Variants in CCNI observed in about 807,000 individuals in gnomAD.
The protein encoded by CCNI is cyclin-I.
A neutral mutation model predicts 34.1 loss-of-function variants in CCNI; 14 were observed. The ratio of observed to expected loss-of-function variants is 0.41; its 90% CI spans 0.27 to 0.64. CCNI has a LOEUF of 0.64. CCNI is among the 30% of genes least tolerant of loss of function. CCNI has a pLI of 0.31. For missense variants in CCNI, 385 were observed against 440.5 expected, an observed-to-expected ratio of 0.87 and a Z score of 1.13; for synonymous variants, 154 against 158.4, an observed-to-expected ratio of 0.97 and a Z score of 0.21.
intron 2 of CCNI, among the ~76,000 whole-genome samples, chr4:77,059,569 A>G (rs968072116): frequency 8.6e-5 from 13 of 152,006 alleles, no homozygotes; most frequent in African/African-American, 2.7e-4. Flanking sequence ...CTCTAAATGT[A>G]TAATTCATCT....
chr4:77,072,655 A>G (rs12331377), intron 1 of CCNI, among the ~76,000 whole-genome samples: 32,435 of 146,070 alleles, frequency 0.22, 4,651 homozygotes, highest in East Asian at 0.37. Flanking sequence ...AAAAAAAAAA[A>G]AAAAAAGAAA....
intron 5 of CCNI, 28 bp from the exon 6 acceptor site, chr4:77,055,408 C>G (rs1318137727): frequency 2.9e-6 from 4 of 1,396,508 alleles, no homozygotes; most frequent in Non-Finnish European, 4.0e-6. Context: ...ATCATTTTAA[C>G]TTTATTTAAA....
Position 77,056,274 on chromosome 4 carries a change from G to A in CCNI, c.293C>T (p.Ala98Val). The A allele has an allele frequency of 6.2e-7, 1 of 1,613,680 alleles. No individual in the cohort carries two copies. ...SCIAISCFFL[A>V]AKTVEEDERI... ...CTCATCTTCCTCAACAGTCTTGGCA[G>A]CTAGGAAAAAACAGCTGATTGCAAT... is the stretch of plus-strand genomic sequence containing the variant. The change falls in exon 4 of 7, where the codon GCT (alanine) becomes GTT (valine). Residue 98 changes from alanine (A) to valine (V), a missense_variant. Around this residue, in one of 2 missense-constraint regions of CCNI, gnomAD observed 135 missense variants for 191.8 expected, o/e 0.70. Coordinates refer to ENST00000237654, the MANE Select transcript of CCNI (RefSeq NM_006835.3).
intron 6 of CCNI, among the ~76,000 whole-genome samples, chr4:77,052,647 C>T (rs1727944457): frequency 6.6e-6 from 1 of 152,156 alleles, no homozygotes. Flanking sequence ...AACCAAGACA[C>T]TGGGAATCAT....
intron 2 of CCNI, among the ~76,000 whole-genome samples, chr4:77,064,260 A>T (rs1728852890): frequency 6.6e-6 from 1 of 150,682 alleles, no homozygotes; most frequent in African/African-American, 2.5e-5. Context: ...AAAAAAAAGA[A>T]ATAGGTCAGA....
chr4:77,059,419 A>AACT lies in CCNI; in HGVS notation c.115-785_115-784insAGT, dbSNP rs1728454387. ...ACAGCTCTTTCAAACTGTAGTTTCA[A>AACT]ACAGTTTGAAAGAGCTGTAAGGAGA... On this transcript the variant is annotated intron_variant, in intron 2 of 6. Coordinates refer to ENST00000237654, the MANE Select transcript of CCNI (RefSeq NM_006835.3). Among the ~76,000 whole-genome samples, 4 of 151,440 alleles carry AACT rather than the reference A, an allele frequency of 2.6e-5. 1 individual carries two copies. The South Asian group carries it at 8.4e-4, about 32-fold the overall frequency.
intron 2 of CCNI, among the ~76,000 whole-genome samples, chr4:77,060,590 C>G (rs1275686162): frequency 1.3e-5 from 2 of 151,042 alleles, no homozygotes; most frequent in African/African-American, 4.9e-5. Context: ...CCTGAAGTAG[C>G]TAGGACCAGA....
chr4:77,073,541 T>C (rs975152001), intron 1 of CCNI, among the ~76,000 whole-genome samples: 1 of 152,270 alleles, frequency 6.6e-6, no homozygotes, highest in Non-Finnish European at 1.5e-5. Context: ...ACTGAAGTTC[T>C]ACTATTCCCT....
At chr4:77,072,165 A>G (rs574325978) in intron 1 of CCNI, among the ~76,000 whole-genome samples, 32 of 152,276 alleles carry the variant, frequency 2.1e-4, no homozygotes, top group African/African-American at 7.5e-4. Flanking sequence ...ATATACCATA[A>G]CCAAGTGGGA....
chr4:77,058,353 G>T (rs1238785140), intron 3 of CCNI, among the ~76,000 whole-genome samples, 154 bp downstream of exon 3: 1 of 152,138 alleles, frequency 6.6e-6, no homozygotes, highest in Non-Finnish European at 1.5e-5. Flanking sequence ...AACAATAGCA[G>T]AAGACATCAC....
chr4:77,074,866 C>T (rs1207208917), intron 1 of CCNI: 1 of 152,200 alleles, frequency 6.6e-6, no homozygotes, highest in Non-Finnish European at 1.5e-5. Flanking sequence ...AGCCCCCTAG[C>T]TCCAGCGGAG....
chr4:77,072,367 C>T (rs999415536), intron 1 of CCNI, among the ~76,000 whole-genome samples: 1 of 146,798 alleles, frequency 6.8e-6, no homozygotes, highest in African/African-American at 2.6e-5. Context: ...CTTGTGATCC[C>T]AGAACTTTGT....
In CCNI at chr4:77,056,070, G is replaced by C. The variant is rs1217051676; in HGVS notation, c.351C>G (p.Asp117Glu). 5 of 1,613,638 alleles carry C rather than the reference G, an allele frequency of 3.1e-6. No individual in the cohort carries two copies. Among genetic ancestry groups the C allele is most frequent in the African/African-American group, 2.7e-5 (2 of 74,936 alleles). The change falls in exon 5 of 7, where the codon GAC (aspartate) becomes GAG (glutamate). Residue 117 changes from aspartate (D) to glutamate (E), a missense_variant. Transcript: ENST00000237654. ...RIPVLKVLAR[D>E]SFCGCSSSEI... ...CAGATGAGGAACATCCACAGAAACT[G>C]TCTCTTGCCAATACCTTTAGTACTG...
At chr4:77,048,731 T>C (rs1342847470) in intron 6 of CCNI, 69 bp from the exon 7 acceptor site, 1 of 1,225,668 alleles carries the variant, frequency 8.2e-7, no homozygotes, top group Admixed American at 2.9e-5. Context: ...CTGTTATCTC[T>C]GGTGGCCATT....
chr4:77,053,231 A>G (rs978752694), intron 6 of CCNI, among the ~76,000 whole-genome samples: 6 of 152,172 alleles, frequency 3.9e-5, no homozygotes, highest in Non-Finnish European at 7.3e-5. Flanking sequence ...CCACTTCTAA[A>G]ACAAATTATG....
At chr4:77,051,314 A>G (rs1409908976) in intron 6 of CCNI, among the ~76,000 whole-genome samples, 2 of 152,248 alleles carry the variant, frequency 1.3e-5, no homozygotes, top group African/African-American at 4.8e-5. Context: ...AGGTACCACA[A>G]ATATTCTAAT....
Position 77,056,253 on chromosome 4 carries a change from T to C in CCNI, c.314A>G (p.Asp105Gly), listed in dbSNP as rs1476371440. Reference sequence around the variant, plus strand: ...TATCTTGAAAGGATTTATTACCTCATCTTCCTCAACAGTCTTGGCAGCTAG... The same window carrying C: ...TATCTTGAAAGGATTTATTACCTCACCTTCCTCAACAGTCTTGGCAGCTAG... ...FFLAAKTVEE[D>G]ERIPVLKVLA... is the part of the protein sequence containing the mutation. The change falls in exon 4 of 7, where the codon GAT becomes GGT. Residue 105 changes from aspartate to glycine, a missense_variant. Physicochemically the swap from Asp to Gly is moderately conservative, Grantham distance 94 (BLOSUM62 -1). Around this residue, in one of 2 missense-constraint regions of CCNI, gnomAD observed 135 missense variants for 191.8 expected, o/e 0.70. Transcript: ENST00000237654. 1 of 1,612,320 alleles carries C rather than the reference T, an allele frequency of 6.2e-7. No homozygotes were observed. The highest frequency in any genetic ancestry group is 8.5e-7 in the Non-Finnish European group (1 of 1,178,402).
chr4:77,048,935 G>GT (rs2110003602), intron 6 of CCNI, among the ~76,000 whole-genome samples: 1 of 137,904 alleles, frequency 7.3e-6, no homozygotes, highest in African/African-American at 2.6e-5. Context: ...CATGAGAACA[G>GT]AAACTACTTT....
At chr4:77,057,785 CTT>C (rs111380519) in intron 3 of CCNI, among the ~76,000 whole-genome samples, 2 of 152,178 alleles carry the variant, frequency 1.3e-5, no homozygotes, top group African/African-American at 4.8e-5. Flanking sequence ...GTAGAAAGCA[CTT>C]TGTTTTTCAG....
Sources: allele counts gnomAD v4.1 joint callset (sites outside exome capture counted in the v4.1 genomes callset), GRCh38; gene constraint gnomAD v4.1.1; regional missense constraint gnomAD v4.1.1; transcripts MANE v1.5; gene names NCBI Gene and HGNC (gene_info 2026-07-23, HGNC 2026-07-21).